ERBB4: variants seen among roughly 807,000 people sequenced by gnomAD.
ERBB4 encodes the protein erb-b2 receptor tyrosine kinase 4.
ERBB4 carries 42 observed loss-of-function variants against 158.0 expected under a neutral mutation model. The observed-to-expected ratio is 0.27, with a 90% CI of 0.21 to 0.34. The LOEUF is 0.34. ERBB4 is among the 10% of genes least tolerant of loss of function. The probability of loss-of-function intolerance (pLI) is 1.00; values close to 1 mark genes in which losing one functional copy is unlikely to be tolerated. For synonymous variants in ERBB4, 583 were observed against 558.7 expected (o/e 1.04, Z -0.61); for missense variants, 1,333 against 1,624.1 (o/e 0.82, Z 3.08).
At chr2:212,270,891 T>C (rs1308147991) in intron 1 of ERBB4, among the ~76,000 whole-genome samples, 1 of 151,688 alleles carries the variant, frequency 6.6e-6, no homozygotes, top group Non-Finnish European at 1.5e-5. Context: ...GGACATTCAA[T>C]CATTTAAATG....
intron 12 of ERBB4, among the ~76,000 whole-genome samples, chr2:211,680,887 C>T (rs940184306): frequency 5.9e-5 from 9 of 152,154 alleles, no homozygotes; most frequent in Non-Finnish European, 1.3e-4. Flanking sequence ...ATACAATATA[C>T]TGCTCATACA....
At chr2:211,699,049 G>C (rs2073132088) in intron 12 of ERBB4, among the ~76,000 whole-genome samples, 1 of 152,118 alleles carries the variant, frequency 6.6e-6, no homozygotes, top group South Asian at 2.1e-4. Context: ...CGTCATTACT[G>C]TTTTAAATCA....
chr2:212,204,426 G>A (rs1231187252), intron 1 of ERBB4, among the ~76,000 whole-genome samples: 3 of 152,018 alleles, frequency 2.0e-5, no homozygotes, highest in Non-Finnish European at 2.9e-5. Context: ...GGCCAGGCGC[G>A]GTGGCTCACA....
At chr2:211,574,328 G>A (rs2067828589) in intron 19 of ERBB4, among the ~76,000 whole-genome samples, 1 of 152,098 alleles carries the variant, frequency 6.6e-6, no homozygotes, top group Admixed American at 6.6e-5. Flanking sequence ...TAACCATGAA[G>A]AGTTAAAAGA....
chr2:211,646,061 G>A (rs2070772435), intron 16 of ERBB4, among the ~76,000 whole-genome samples: 1 of 151,480 alleles, frequency 6.6e-6, no homozygotes. Flanking sequence ...GGTAATGTCT[G>A]TTGATCTGGA....
In ERBB4 at chr2:211,379,972, G is replaced by C; in HGVS notation, c.*3643C>G. 8.6e-6 allele frequency: 2 copies of C among 231,974 alleles called. No homozygotes were observed. The highest frequency in any genetic ancestry group is 1.7e-5 in the Non-Finnish European group (2 of 117,368). 14.4% of individuals were successfully genotyped at this position (231,974 alleles called of 1,614,324 possible). A position where few individuals can be genotyped will look rare whatever the true frequency, so the allele number is the denominator to read the frequency against. ...TCTTGATTTTTCCTTAGCATTGTAA[G>C]TATGCACAATCTTCATGCCATGTCT... On this transcript the variant is annotated 3_prime_UTR_variant, in exon 28 of 28. Transcript: ENST00000342788.
intron 1 of ERBB4, among the ~76,000 whole-genome samples, chr2:212,465,973 C>A (rs1231279307): frequency 6.6e-6 from 1 of 152,090 alleles, no homozygotes; most frequent in East Asian, 1.9e-4. Context: ...GTTCTGACGG[C>A]AAATAATAAA....
At chr2:211,947,199 T>C (rs1485604387) in intron 3 of ERBB4, among the ~76,000 whole-genome samples, 1 of 152,268 alleles carries the variant, frequency 6.6e-6, no homozygotes. Context: ...CAGAGTTTAC[T>C]CCTGTTCAGC....
At chr2:211,764,292 C>T (rs2106248551) in intron 4 of ERBB4, among the ~76,000 whole-genome samples, 1 of 152,290 alleles carries the variant, frequency 6.6e-6, no homozygotes, top group African/African-American at 2.4e-5. Context: ...CAAACCACTG[C>T]ATAGACATCT....
At position 211,717,861 on chromosome 2, in the gene ERBB4, T is replaced by C. The variant is rs1247273878; in HGVS notation, c.884-4213A>G. ...AAAAAATCTACCCCCCTCATCCTTA[T>C]ATCCTATCTCTTCGATTGTTATAAT... On this transcript the variant is annotated intron_variant, in intron 7 of 27. Transcript: ENST00000342788. Among the ~76,000 whole-genome samples the C allele has an allele frequency of 1.2e-4, 19 of 152,250 alleles. No homozygotes were observed. The East Asian group carries it at 3.5e-3, about 28-fold the overall frequency.
At chr2:211,732,772 C>T (rs2106156723) in intron 5 of ERBB4, among the ~76,000 whole-genome samples, 1 of 152,194 alleles carries the variant, frequency 6.6e-6, no homozygotes, top group Non-Finnish European at 1.5e-5. Context: ...GACCAACATG[C>T]TGAAACCCCA....
At chr2:212,459,533 C>T (rs900955913) in intron 1 of ERBB4, among the ~76,000 whole-genome samples, 1 of 152,066 alleles carries the variant, frequency 6.6e-6, no homozygotes, top group Non-Finnish European at 1.5e-5. Flanking sequence ...CAAAAGCAGT[C>T]TACATGTTCA....
chr2:212,151,771 C>T (rs568205303), intron 1 of ERBB4, among the ~76,000 whole-genome samples: 2 of 152,060 alleles, frequency 1.3e-5, no homozygotes, highest in Non-Finnish European at 2.9e-5. Context: ...TGCTGGTAAT[C>T]CCAGCTACTC....
chr2:212,322,645 C>G (rs1407387833), intron 1 of ERBB4, among the ~76,000 whole-genome samples: 1 of 150,112 alleles, frequency 6.7e-6, no homozygotes, highest in East Asian at 1.9e-4. Context: ...TACCATTACC[C>G]TGGCCACATG....
intron 1 of ERBB4, among the ~76,000 whole-genome samples, chr2:212,306,441 T>C (rs1204219973): frequency 6.6e-6 from 1 of 151,454 alleles, no homozygotes; most frequent in East Asian, 2.0e-4. Flanking sequence ...CCATGGACAC[T>C]CTTTTGCCCC....
intron 19 of ERBB4, among the ~76,000 whole-genome samples, chr2:211,570,908 T>G (rs1327925448): frequency 6.6e-6 from 1 of 152,108 alleles, no homozygotes; most frequent in Non-Finnish European, 1.5e-5. Flanking sequence ...GTCAACATGT[T>G]TCTCATCTCA....
At chr2:211,912,613 T>C (rs1168970680) in intron 3 of ERBB4, among the ~76,000 whole-genome samples, 3 of 152,186 alleles carry the variant, frequency 2.0e-5, no homozygotes, top group Non-Finnish European at 4.4e-5. Context: ...AAAATTGAGA[T>C]ATACTAATGA....
chr2:212,512,611 C>A (rs534491496), intron 1 of ERBB4, among the ~76,000 whole-genome samples: 7 of 152,212 alleles, frequency 4.6e-5, no homozygotes, highest in South Asian at 2.1e-4. Context: ...TCAATCTCTG[C>A]AAAATTCTCA....
rs537173452 is a variant in ERBB4, at chr2:211,500,139, T to C, written c.2487+61764A>G. Among the ~76,000 whole-genome samples, 15 of 152,294 alleles carry C rather than the reference T, an allele frequency of 9.8e-5. No homozygotes were observed. The South Asian group carries it at 2.3e-3, about 23-fold the overall frequency. On this transcript the variant is annotated intron_variant, in intron 20 of 27. Transcript: ENST00000342788. ...ATTTATTTTCTGTATCTGGTCATGG[T>C]ACAGTCGTCTGCTCTGACCCTAAGT...
Sources: allele counts gnomAD v4.1 joint callset (sites outside exome capture counted in the v4.1 genomes callset), GRCh38; gene constraint gnomAD v4.1.1; transcripts MANE v1.5; gene names NCBI Gene and HGNC (gene_info 2026-07-23, HGNC 2026-07-21).